Variants in LUZP2 observed in about 807,000 individuals in gnomAD.
LUZP2 encodes leucine zipper protein 2.
LUZP2 carries 52 observed loss-of-function variants against 51.6 expected under a neutral mutation model. The observed-to-expected ratio is 1.01, with a 90% CI of 0.81 to 1.27. The LOEUF (loss-of-function observed/expected upper bound fraction) is 1.27. Among genes scored for constraint, LUZP2 ranks in the 50% most tolerant of loss-of-function variants. The pLI is 0.00. For synonymous variants in LUZP2, 154 were observed against 137.3 expected (o/e 1.12, Z -0.85); for missense variants, 436 against 395.4 (o/e 1.10, Z -0.87).
intron 1 of LUZP2, among the ~76,000 whole-genome samples, chr11:24,677,199 A>G (rs994701505): frequency 6.6e-6 from 1 of 152,156 alleles, no homozygotes; most frequent in Non-Finnish European, 1.5e-5. Flanking sequence ...AGCCGCCCTC[A>G]TGCTTCCATT....
intron 9 of LUZP2, among the ~76,000 whole-genome samples, chr11:25,024,915 C>T (rs1465024322): frequency 2.7e-5 from 4 of 149,878 alleles, no homozygotes; most frequent in Non-Finnish European, 4.4e-5. Flanking sequence ...GCTACAATAA[C>T]CAAAACAGCA....
At chr11:24,867,188 A>G (rs1049955612) in intron 5 of LUZP2, among the ~76,000 whole-genome samples, 1 of 152,270 alleles carries the variant, frequency 6.6e-6, no homozygotes, top group South Asian at 2.1e-4. Context: ...TCCTTTTATG[A>G]TCCCAGAGTA....
chr11:24,797,568 C>G (rs570149468), intron 5 of LUZP2, among the ~76,000 whole-genome samples: 4 of 152,270 alleles, frequency 2.6e-5, no homozygotes, highest in Admixed American at 6.5e-5. Context: ...ATTCAAACCA[C>G]AGAAAACTTG....
At chr11:24,581,197 CA>C (rs74259786) in intron 1 of LUZP2, among the ~76,000 whole-genome samples, 2,784 of 70,198 alleles carry the variant, frequency 0.04, 39 homozygotes, top group South Asian at 0.11. Flanking sequence ...TTTCACTGGC[CA>C]AAAAAAAAAA....
At chr11:24,745,605 T>C (rs1859350153) in intron 4 of LUZP2, among the ~76,000 whole-genome samples, 2 of 152,086 alleles carry the variant, frequency 1.3e-5, no homozygotes, top group African/African-American at 4.8e-5. Flanking sequence ...GTTCTTATGT[T>C]TTGGGTGAGT....
chr11:25,005,375 GC>G (rs1228799455), intron 9 of LUZP2, among the ~76,000 whole-genome samples: 3 of 152,106 alleles, frequency 2.0e-5, no homozygotes, highest in Non-Finnish European at 4.4e-5. Flanking sequence ...CACTCCATTT[GC>G]CTTCCCTCTT....
At chr11:24,858,679 A>C (rs143345319) in intron 5 of LUZP2, among the ~76,000 whole-genome samples, 11 of 152,350 alleles carry the variant, frequency 7.2e-5, no homozygotes, top group African/African-American at 2.4e-4. Flanking sequence ...GTCTGTGAAC[A>C]ATGTAGTTCT....
At chr11:24,880,662 G>T (rs1852431075) in intron 5 of LUZP2, among the ~76,000 whole-genome samples, 1 of 152,018 alleles carries the variant, frequency 6.6e-6, no homozygotes, top group Non-Finnish European at 1.5e-5. Flanking sequence ...CTTGCTGTGG[G>T]TTGAGATCTC....
At chr11:24,516,142 T>C (rs1346019373) in intron 1 of LUZP2, among the ~76,000 whole-genome samples, 2 of 152,170 alleles carry the variant, frequency 1.3e-5, no homozygotes, top group African/African-American at 2.4e-5. Flanking sequence ...ATAATCAATC[T>C]CGAAGACCTG....
chr11:24,625,454 A>G (rs1273935506), intron 1 of LUZP2, among the ~76,000 whole-genome samples: 2 of 152,112 alleles, frequency 1.3e-5, no homozygotes, highest in Admixed American at 1.3e-4. Flanking sequence ...AAATATGTTA[A>G]TTAGCTTCAT....
chr11:24,887,940 G>T (rs1449535119), intron 5 of LUZP2, among the ~76,000 whole-genome samples: 1 of 152,158 alleles, frequency 6.6e-6, no homozygotes, highest in Non-Finnish European at 1.5e-5. Flanking sequence ...TGCTGCAGGT[G>T]ATTTTCTCTT....
intron 7 of LUZP2, among the ~76,000 whole-genome samples, chr11:24,972,868 A>G (rs1469553381): frequency 6.6e-6 from 1 of 151,706 alleles, no homozygotes; most frequent in Admixed American, 6.6e-5. Flanking sequence ...TTCATCAGGG[A>G]TATTTGTCTG....
At position 24,706,738 on chromosome 11, in the gene LUZP2, T is replaced by A. The variant is rs1432718045; in HGVS notation, c.63-22431T>A. On this transcript the variant is annotated intron_variant, in intron 1 of 11. Transcript: ENST00000336930. Reference sequence around the variant, plus strand: ...CAGTCTTAATCTACTGGTAGATATTTCCCATGTTCCAAGTTTCTTTTCATT... The same window carrying A: ...CAGTCTTAATCTACTGGTAGATATTACCCATGTTCCAAGTTTCTTTTCATT... Among the ~76,000 whole-genome samples, 3 of 152,184 alleles carry A rather than the reference T, an allele frequency of 2.0e-5. No homozygotes were observed. The East Asian group carries it at 5.8e-4, about 29-fold the overall frequency.
At chr11:24,946,117 A>T (rs1318549072) in intron 7 of LUZP2, among the ~76,000 whole-genome samples, 1 of 152,028 alleles carries the variant, frequency 6.6e-6, no homozygotes, top group African/African-American at 2.4e-5. Context: ...ATATTTTCAA[A>T]GTTCATTCAT....
At position 24,776,572 on chromosome 11, in the gene LUZP2, C is replaced by A. The variant is rs1205371803; in HGVS notation, c.396+13264C>A. Among the ~76,000 whole-genome samples the A allele has an allele frequency of 2.0e-5, 3 of 152,098 alleles. No individual in the cohort carries two copies. The East Asian group carries it at 5.8e-4, about 29-fold the overall frequency. On this transcript the variant is annotated intron_variant, in intron 5 of 11. Transcript: ENST00000336930. Reference sequence around the variant, plus strand: ...ATCATTTTCTTAATATCCTTCAAATCATAGAATGCAGTAATAATGTAATCA... The same window carrying A: ...ATCATTTTCTTAATATCCTTCAAATAATAGAATGCAGTAATAATGTAATCA...
intron 5 of LUZP2, among the ~76,000 whole-genome samples, chr11:24,768,993 T>C (rs1279055346): frequency 6.6e-6 from 1 of 152,198 alleles, no homozygotes; most frequent in Non-Finnish European, 1.5e-5. Context: ...ATGGAATCAA[T>C]GTGTTTATAG....
intron 7 of LUZP2, among the ~76,000 whole-genome samples, chr11:24,949,058 T>A (rs1367013961): frequency 6.6e-6 from 1 of 151,502 alleles, no homozygotes; most frequent in African/African-American, 2.4e-5. Context: ...CAAAACTCAG[T>A]GCTGTATTTC....
At chr11:24,607,163 T>A (rs956208772) in intron 1 of LUZP2, among the ~76,000 whole-genome samples, 2 of 151,832 alleles carry the variant, frequency 1.3e-5, no homozygotes, top group African/African-American at 4.8e-5. Context: ...CATTTATTTT[T>A]TATTTTCTCG....
intron 1 of LUZP2, among the ~76,000 whole-genome samples, chr11:24,641,326 T>C (rs1855274610): frequency 6.6e-6 from 1 of 151,886 alleles, no homozygotes; most frequent in African/African-American, 2.4e-5. Context: ...GCAGTTGATA[T>C]TTTTAACAAT....
Sources: gnomAD v4.1 joint callset for allele counts (sites outside exome capture counted in the v4.1 genomes callset) on GRCh38, gnomAD v4.1.1 for gene constraint, MANE v1.5 for transcripts, NCBI Gene and HGNC (gene_info 2026-07-23, HGNC 2026-07-21) for gene names.